RBFOX1: variants seen among roughly 807,000 people sequenced by gnomAD.
RBFOX1 encodes the protein RNA binding fox-1 homolog 1.
In RBFOX1, 8 loss-of-function variants were observed where a neutral mutation model predicts 57.7. The observed-to-expected ratio is 0.14, with a 90% CI of 0.08 to 0.25. The LOEUF is 0.25. Ranked by LOEUF, RBFOX1 falls within the 10% of genes least tolerant of loss-of-function variation. The probability of loss-of-function intolerance (pLI) is 1.00; values close to 1 mark genes in which losing one functional copy is unlikely to be tolerated. For missense variants in RBFOX1, 611 were observed against 548.5 expected (o/e 1.11, Z -1.14); for synonymous variants, 326 against 222.4 (o/e 1.47, Z -4.15).
intron 3 of RBFOX1, among the ~76,000 whole-genome samples, chr16:6,755,511 G>A (rs530944656): frequency 2.6e-5 from 4 of 152,202 alleles, no homozygotes; most frequent in South Asian, 4.2e-4. Flanking sequence ...CTGTTTTAAT[G>A]CCAAGATAAC....
At chr16:7,658,026 G>A (rs551496227) in intron 12 of RBFOX1, among the ~76,000 whole-genome samples, 4 of 152,176 alleles carry the variant, frequency 2.6e-5, no homozygotes, top group Admixed American at 1.3e-4. Flanking sequence ...TTGCTTAAGC[G>A]AGAGTGGGGG....
rs912214515 is a variant in RBFOX1, at chr16:5,435,933, A to G, written c.220-31283A>G. Among the ~76,000 whole-genome samples, 3 of 152,324 alleles carry G rather than the reference A, an allele frequency of 2.0e-5. No individual in the cohort carries two copies. The South Asian group carries it at 6.2e-4, about 32-fold the overall frequency. On this transcript the variant is annotated intron_variant, in intron 1 of 2. Transcript: ENST00000585867. ...ACCCGATTGCTTAAAATCTAGGTACACACCTTTGATTACTTCCTTAGGAAT... is the reference window on the plus strand; with the variant it reads ...ACCCGATTGCTTAAAATCTAGGTACGCACCTTTGATTACTTCCTTAGGAAT...
chr16:5,518,066 C>G (rs1287411578), intron 2 of RBFOX1, among the ~76,000 whole-genome samples: 1 of 151,956 alleles, frequency 6.6e-6, no homozygotes, highest in Non-Finnish European at 1.5e-5. Flanking sequence ...AGAGTGCAAA[C>G]ATAAAACAAC....
chr16:7,518,189 C>T lies in RBFOX1; in HGVS notation c.70C>T (p.Pro24Ser), dbSNP rs148751394. ...CGCTGCCCCTGACACAATGGCTCAG[C>T]CTTACGCTTCGGCCCAGTTTGCTCC... ...AAAAPDTMAQ[P>S]YASAQFAPPQ... is the part of the protein sequence containing the mutation. Residue 24 changes from proline to serine, a missense_variant, in exon 5 of 16, where the codon CCT becomes TCT. Physicochemically the swap from Pro to Ser is moderately conservative, Grantham distance 74 (BLOSUM62 -1). Around this residue, in one of 3 missense-constraint regions of RBFOX1, gnomAD observed 245 missense variants for 159.1 expected, o/e 1.54. Transcript: ENST00000550418. 276 of 1,613,854 alleles carry T rather than the reference C, an allele frequency of 1.7e-4. No individual in the cohort carries two copies. The highest frequency in any genetic ancestry group is 1.5e-4 in the Admixed American group (9 of 59,994).
At chr16:5,393,734 T>A (rs1310799124) in intron 1 of RBFOX1, among the ~76,000 whole-genome samples, 1 of 152,254 alleles carries the variant, frequency 6.6e-6, no homozygotes, top group East Asian at 1.9e-4. Flanking sequence ...TAATCATGTT[T>A]ACCATGTCTA....
intron 2 of RBFOX1, among the ~76,000 whole-genome samples, chr16:6,617,887 G>A (rs913432658): frequency 6.6e-6 from 1 of 152,178 alleles, no homozygotes; most frequent in Non-Finnish European, 1.5e-5. Context: ...TGGAGGTCTA[G>A]AAGTGTCTGG....
intron 2 of RBFOX1, among the ~76,000 whole-genome samples, chr16:6,417,709 A>ATTTT (rs1416301414): frequency 4.7e-4 from 51 of 109,014 alleles, no homozygotes; most frequent in Middle Eastern, 4.3e-3. Flanking sequence ...TTTCTTTTTA[A>ATTTT]AAAAAAAAAA....
chr16:6,121,206 T>C (rs2096546534), intron 1 of RBFOX1, among the ~76,000 whole-genome samples: 1 of 152,154 alleles, frequency 6.6e-6, no homozygotes, highest in African/African-American at 2.4e-5. Context: ...AACTTCAGTG[T>C]GTACAAGACA....
chr16:6,368,723 T>C (rs967117172), intron 2 of RBFOX1, among the ~76,000 whole-genome samples: 1 of 152,232 alleles, frequency 6.6e-6, no homozygotes, highest in African/African-American at 2.4e-5. Context: ...TAGTCATATG[T>C]ACCAGTCCAT....
At chr16:5,749,681 G>A (rs144103600) in intron 3 of RBFOX1, among the ~76,000 whole-genome samples, 94 of 152,204 alleles carry the variant, frequency 6.2e-4, no homozygotes, top group African/African-American at 1.9e-3. Flanking sequence ...TTATGCATTC[G>A]TCACGTAGTT....
At chr16:5,719,549 A>G (rs566678130) in intron 3 of RBFOX1, among the ~76,000 whole-genome samples, 1 of 152,016 alleles carries the variant, frequency 6.6e-6, no homozygotes, top group Non-Finnish European at 1.5e-5. Flanking sequence ...CCACCCATTA[A>G]GCAGTAACTC....
At chr16:5,845,711 A>G (rs1408438239) in intron 3 of RBFOX1, among the ~76,000 whole-genome samples, 1 of 152,212 alleles carries the variant, frequency 6.6e-6, no homozygotes, top group Non-Finnish European at 1.5e-5. Context: ...GTTCTCAATA[A>G]CACTGGATAC....
At chr16:7,275,657 G>A (rs78092893) in intron 4 of RBFOX1, among the ~76,000 whole-genome samples, 2,833 of 152,266 alleles carry the variant, frequency 0.019, 91 homozygotes, top group African/African-American at 0.065. Context: ...CTGTTTCGGG[G>A]AACATAATTG....
chr16:6,069,473 C>G (rs2095809188), intron 1 of RBFOX1, among the ~76,000 whole-genome samples: 1 of 151,150 alleles, frequency 6.6e-6, no homozygotes, highest in South Asian at 2.1e-4. Context: ...TTGAAGAAAG[C>G]TGAGTCCTGC....
intron 1 of RBFOX1, among the ~76,000 whole-genome samples, chr16:6,027,935 A>G (rs1307294976): frequency 1.3e-5 from 2 of 152,220 alleles, no homozygotes; most frequent in Non-Finnish European, 2.9e-5. Flanking sequence ...AGCCATATGC[A>G]TGGGCTCTGA....
intron 4 of RBFOX1, among the ~76,000 whole-genome samples, chr16:6,000,577 A>G (rs2060580047): frequency 6.6e-6 from 1 of 152,172 alleles, no homozygotes; most frequent in Non-Finnish European, 1.5e-5. Flanking sequence ...ATAACTAGCC[A>G]GCCTCTAGAA....
chr16:5,614,109 G>C (rs556430698), intron 3 of RBFOX1, among the ~76,000 whole-genome samples: 27 of 152,142 alleles, frequency 1.8e-4, no homozygotes, highest in African/African-American at 6.5e-4. Context: ...ATGCCCACCT[G>C]GTCTCAATTC....
intron 4 of RBFOX1, among the ~76,000 whole-genome samples, chr16:7,262,212 T>G (rs894508689): frequency 1.3e-5 from 2 of 152,218 alleles, no homozygotes; most frequent in African/African-American, 4.8e-5. Flanking sequence ...TTATTTCTAC[T>G]GCAGTAAGCC....
At chr16:5,671,155 G>C in intron 3 of RBFOX1, among the ~76,000 whole-genome samples, 1 of 152,234 alleles carries the variant, frequency 6.6e-6, no homozygotes, top group East Asian at 1.9e-4. Context: ...TATTTATAGA[G>C]TGCCCAGTGG....
Sources: allele counts gnomAD v4.1 joint callset (sites outside exome capture counted in the v4.1 genomes callset), GRCh38; gene constraint gnomAD v4.1.1; regional missense constraint gnomAD v4.1.1; transcripts MANE v1.5; gene names NCBI Gene and HGNC (gene_info 2026-07-23, HGNC 2026-07-21).